The following PLAAT4 variants were observed in gnomAD, a reference collection of about 807,000 sequenced individuals.
The protein encoded by PLAAT4 is HRAS-like suppressor 4.
PLAAT4 carries 12 observed loss-of-function variants against 14.1 expected under a neutral mutation model. That is an observed-to-expected ratio of 0.85 (90% CI 0.54 to 1.37). PLAAT4 has a LOEUF of 1.37. Among genes scored for constraint, PLAAT4 ranks in the 40% most tolerant of loss-of-function variants. The pLI is 0.00. For missense variants in PLAAT4, 163 were observed against 211.7 expected, an observed-to-expected ratio of 0.77 and a Z score of 1.43; for synonymous variants, 77 against 79.8, an observed-to-expected ratio of 0.96 and a Z score of 0.19.
At chr11:63,537,704 C>T (rs1464866205) in intron 1 of PLAAT4, among the ~76,000 whole-genome samples, 1 of 152,220 alleles carries the variant, frequency 6.6e-6, no homozygotes, top group Non-Finnish European at 1.5e-5. Flanking sequence ...TCTCTCTCCC[C>T]ACATGGAAAC....
chr11:63,541,666 T>TA (rs1029239238), intron 2 of PLAAT4, among the ~76,000 whole-genome samples: 9 of 151,892 alleles, frequency 5.9e-5, no homozygotes, highest in Non-Finnish European at 1.3e-4. Flanking sequence ...TATGAATATA[T>TA]ATTTTGCATA....
intron 2 of PLAAT4, among the ~76,000 whole-genome samples, chr11:63,540,574 C>G (rs1468555934): frequency 6.6e-6 from 1 of 152,130 alleles, no homozygotes; most frequent in East Asian, 1.9e-4. Context: ...TCCTATAATC[C>G]CAGCACTTTG....
At chr11:63,544,449 C>T (rs2017345613) in intron 2 of PLAAT4, among the ~76,000 whole-genome samples, 172 bp from the exon 3 acceptor site, 1 of 152,010 alleles carries the variant, frequency 6.6e-6, no homozygotes, top group Non-Finnish European at 1.5e-5. Flanking sequence ...CACTGCACTC[C>T]AGCCTGGGCA....
At chr11:63,538,271 AG>A (rs2017289799) in intron 1 of PLAAT4, 1 of 297,736 alleles carries the variant, frequency 3.4e-6, no homozygotes, top group Admixed American at 4.8e-5. Context: ...CCCTGAGGTC[AG>A]AGGACGGTCA....
At chr11:63,545,025 C>G in intron 3 of PLAAT4, 136 bp downstream of exon 3, 1 of 1,228,710 alleles carries the variant, frequency 8.1e-7, no homozygotes, top group South Asian at 1.3e-5. Context: ...GACCTCTGAG[C>G]TCCAATGCCA....
chr11:63,545,975 C>G (rs34332905), intron 3 of PLAAT4, among the ~76,000 whole-genome samples, 174 bp from the exon 4 acceptor site: 1 of 152,044 alleles, frequency 6.6e-6, no homozygotes, highest in Non-Finnish European at 1.5e-5. Context: ...ATACAACCAA[C>G]GGCTTCTCTG....
chr11:63,538,259 G>A (rs933508492), intron 1 of PLAAT4: 23 of 293,140 alleles, frequency 7.8e-5, no homozygotes, highest in African/African-American at 5.3e-4. Flanking sequence ...GTGTGTCCTG[G>A]GCCCTGAGGT....
At chr11:63,543,194 C>T (rs2017335217) in intron 2 of PLAAT4, among the ~76,000 whole-genome samples, 1 of 152,200 alleles carries the variant, frequency 6.6e-6, no homozygotes, top group Non-Finnish European at 1.5e-5. Flanking sequence ...AGCAGGGGTC[C>T]CCAACCCTGG....
At chr11:63,538,293 T>G (rs1221950271) in intron 1 of PLAAT4, 1 of 322,610 alleles carries the variant, frequency 3.1e-6, no homozygotes, top group African/African-American at 2.3e-5. Context: ...TGGCCAGATG[T>G]GCCCTTGGGA....
chr11:63,541,931 G>A (rs2017325360), intron 2 of PLAAT4, among the ~76,000 whole-genome samples: 2 of 152,014 alleles, frequency 1.3e-5, no homozygotes, highest in East Asian at 3.8e-4. Context: ...TTTTGTTCTG[G>A]AAGTATCATA....
rs765656799 is a variant in PLAAT4, at chr11:63,544,901, T to C, written c.387+12T>C. ...CCCGCTGTAAACAGGTAAGGACCTC[T>C]CTGGATAATCCATCTCCCTCTGCTT... is the stretch of plus-strand genomic sequence containing the variant. On this transcript the variant is annotated intron_variant, in intron 3 of 3. Coordinates refer to ENST00000255688, the MANE Select transcript of PLAAT4 (RefSeq NM_004585.5). The C allele has an allele frequency of 1.2e-5, 19 of 1,614,196 alleles. No homozygotes were observed. The East Asian group carries it at 4.2e-4, about 36-fold the overall frequency.
intron 1 of PLAAT4, chr11:63,538,531 C>T (rs2017292513): frequency 4.2e-6 from 1 of 240,692 alleles, no homozygotes; most frequent in African/African-American, 2.4e-5. Context: ...GAGCAGACCC[C>T]AGGTCTATGA....
chr11:63,540,726 T>A, intron 2 of PLAAT4, among the ~76,000 whole-genome samples: 1 of 152,124 alleles, frequency 6.6e-6, no homozygotes, highest in East Asian at 1.9e-4. Context: ...CTCAGGAGGC[T>A]GAGGCAGGAG....
intron 3 of PLAAT4, among the ~76,000 whole-genome samples, chr11:63,545,543 G>A (rs1394817425): frequency 6.6e-6 from 1 of 152,150 alleles, no homozygotes; most frequent in Non-Finnish European, 1.5e-5. Context: ...CCAGAGTTTG[G>A]CGTGGCATGT....
At chr11:63,542,644 A>G (rs1437688966) in intron 2 of PLAAT4, among the ~76,000 whole-genome samples, 1 of 152,166 alleles carries the variant, frequency 6.6e-6, no homozygotes, top group Non-Finnish European at 1.5e-5. Flanking sequence ...GTCTGGTTTT[A>G]GCAGGTCTCT....
At chr11:63,546,101 C>A in intron 3 of PLAAT4, 48 bp from the exon 4 acceptor site, 6 of 1,516,076 alleles carry the variant, frequency 4.0e-6, no homozygotes, top group Non-Finnish European at 2.7e-6. Flanking sequence ...GGAGAAAGTG[C>A]CAGCCTGGCT....
chr11:63,546,039 T>C (rs979054887), intron 3 of PLAAT4, 110 bp from the exon 4 acceptor site: 23 of 867,154 alleles, frequency 2.7e-5, no homozygotes, highest in South Asian at 2.1e-4. Flanking sequence ...TGCCAGGCCT[T>C]AGGGGAGGCA....
rs368947257 is a variant in PLAAT4 at position 63,544,693 on chromosome 11, G to A, written c.191G>A (p.Arg64His). Reference protein sequence around the residue: ...LSNSAEVKRERLEDVVGGCCY... With the variant: ...LSNSAEVKREHLEDVVGGCCY... ...AACAGTGCAGAGGTGAAACGGGAGC[G>A]CCTGGAAGATGTGGTGGGAGGCTGT... The change falls in exon 3 of 4, where the codon CGC (arginine) becomes CAC (histidine). Residue 64 changes from arginine to histidine, a missense_variant. Coordinates refer to ENST00000255688, the MANE Select transcript of PLAAT4 (RefSeq NM_004585.5). 6.3e-5 allele frequency: 101 copies of A among 1,614,194 alleles called. 1 individual carries two copies. The highest frequency in any genetic ancestry group is 5.2e-4 in the South Asian group (47 of 91,086).
chr11:63,543,130 G>T (rs1019372663), intron 2 of PLAAT4, among the ~76,000 whole-genome samples: 4 of 152,172 alleles, frequency 2.6e-5, no homozygotes, highest in African/African-American at 9.7e-5. Flanking sequence ...AATAAATAGG[G>T]TTATAACATT....
Sources: allele counts gnomAD v4.1 joint callset (sites outside exome capture counted in the v4.1 genomes callset), GRCh38; gene constraint gnomAD v4.1.1; transcripts MANE v1.5; gene names NCBI Gene and HGNC (gene_info 2026-07-23, HGNC 2026-07-21).